Variants in RGS12 observed in about 807,000 individuals in gnomAD.
RGS12 encodes the protein regulator of G protein signaling 12, also known as regulator of G-protein signaling 12.
In RGS12, 66 loss-of-function variants were observed where a neutral mutation model predicts 120.1. The ratio of observed to expected loss-of-function variants is 0.55; its 90% CI spans 0.45 to 0.67. RGS12 has a LOEUF of 0.67. RGS12 is among the 30% of genes least tolerant of loss of function. The probability of loss-of-function intolerance (pLI) is 0.00; values close to 1 mark genes in which losing one functional copy is unlikely to be tolerated. For synonymous variants in RGS12, 827 were observed against 804.7 expected (o/e 1.03, Z -0.47); for missense variants, 1,859 against 1,957.7 (o/e 0.95, Z 0.95).
At chr4:3,308,323 G>A (rs564574981) in intron 1 of RGS12, among the ~76,000 whole-genome samples, 1 of 152,356 alleles carries the variant, frequency 6.6e-6, no homozygotes, top group East Asian at 1.9e-4. Context: ...TCCTCGACGC[G>A]AGGGATTCTG....
chr4:3,436,376 C>A (rs111604443), intron 17 of RGS12, among the ~76,000 whole-genome samples: 1 of 152,190 alleles, frequency 6.6e-6, no homozygotes, highest in African/African-American at 2.4e-5. Flanking sequence ...TTGTGCCCTG[C>A]GAGCTTCCAA....
chr4:3,429,490 G>A (rs1490027782), intron 16 of RGS12, among the ~76,000 whole-genome samples: 8 of 152,154 alleles, frequency 5.3e-5, no homozygotes, highest in Non-Finnish European at 1.0e-4. Context: ...TAAATCACAC[G>A]CCCTCTTTGA....
rs774788698 is a variant in RGS12 at position 3,343,019 on chromosome 4, G to T, written c.1964G>T (p.Arg655Ile). The change falls in exon 3 of 18, where the codon AGA becomes ATA. Residue 655 changes from arginine (R) to isoleucine (I), a missense_variant. Physicochemically the swap from Arg to Ile is moderately conservative, Grantham distance 97. Transcript: ENST00000336727. ...CGGAGATCATTTGGGAGATCCAAGA[G>T]ATTCAGTATCACTCGCTCCCTTGAT... ...SARRSFGRSK[R>I]FSITRSLDDL... The T allele has an allele frequency of 1.2e-6, 2 of 1,613,052 alleles. No individual in the cohort carries two copies. Among genetic ancestry groups the T allele is most frequent in the African/African-American group, 2.7e-5 (2 of 74,908 alleles).
intron 1 of RGS12, among the ~76,000 whole-genome samples, chr4:3,294,034 C>G (rs1310573214): frequency 4.0e-5 from 1 of 25,074 alleles, no homozygotes; most frequent in African/African-American, 7.5e-4. Context: ...GAGAGGACCA[C>G]CTGGCCTCTC....
chr4:3,322,514 G>T (rs1389311530), intron 2 of RGS12, among the ~76,000 whole-genome samples: 2 of 152,174 alleles, frequency 1.3e-5, no homozygotes, highest in African/African-American at 4.8e-5. Context: ...CATCAAAAAT[G>T]ATTGCCTTGT....
intron 3 of RGS12, among the ~76,000 whole-genome samples, chr4:3,383,813 A>C (rs11730455): frequency 0.25 from 38,255 of 152,014 alleles, 5,704 homozygotes; most frequent in South Asian, 0.44. Context: ...CCATGCCCAT[A>C]TTCTTTGGCC....
At chr4:3,310,577 G>A (rs1251497249) in intron 1 of RGS12, among the ~76,000 whole-genome samples, 1 of 152,164 alleles carries the variant, frequency 6.6e-6, no homozygotes, top group African/African-American at 2.4e-5. Flanking sequence ...CAGGGACTTG[G>A]AGGGCCTCTC....
chr4:3,422,884 T>A, intron 11 of RGS12, 21 bp from the exon 12 acceptor site: 5 of 1,610,500 alleles, frequency 3.1e-6, no homozygotes, highest in Non-Finnish European at 4.2e-6. Context: ...CCACGTTGAT[T>A]CTGGTCTCTC....
intron 3 of RGS12, among the ~76,000 whole-genome samples, chr4:3,348,012 A>G (rs1713982849): frequency 1.3e-5 from 2 of 152,234 alleles, no homozygotes; most frequent in Admixed American, 1.3e-4. Context: ...AAGCCTAATC[A>G]TTTACCAGAC....
Position 3,428,336 on chromosome 4 carries a change from A to G in RGS12, c.3411+167A>G, listed in dbSNP as rs1166858684. 3 of 807,302 alleles carry G rather than the reference A, an allele frequency of 3.7e-6. No individual in the cohort carries two copies. In the Admixed American group the frequency reaches 6.1e-5, roughly 17 times the overall value. The allele number at this position is 807,302 out of a possible 1,614,324, so 50.0% of individuals were successfully genotyped here. On this transcript the variant is annotated intron_variant, in intron 15 of 17. Coordinates refer to ENST00000336727, the MANE Select transcript of RGS12 (RefSeq NM_001394154.1). ...CCCTGCCGATGCCCAGCTCCCTCTT[A>G]CCTGTGAAGGACTGGCTTTCTTTTC...
chr4:3,427,986 G>T, intron 14 of RGS12, 104 bp from the exon 15 acceptor site: 2 of 1,101,928 alleles, frequency 1.8e-6, no homozygotes, highest in Non-Finnish European at 2.8e-6. Flanking sequence ...ATGCCTTGTG[G>T]CTTCTCTACA....
At chr4:3,288,751 G>A (rs1054358724), upstream of RGS12, among the ~76,000 whole-genome samples, 2 of 152,174 alleles carry the variant, frequency 1.3e-5, no homozygotes, top group African/African-American at 2.4e-5. The surrounding 1 kb of genome is among the most constrained non-coding windows in gnomAD (Gnocchi z 5.2). Context: ...TCCGGTCCCC[G>A]TGAAGGGACT....
chr4:3,420,738 C>T lies in RGS12; in HGVS notation c.2838+20C>T, dbSNP rs771737102. ...GACCTGGTGAGTCACTGTCTCCCCTCGTCCCACAGGCCTCAGGGGTGTCCC... is the reference window on the plus strand; with the variant it reads ...GACCTGGTGAGTCACTGTCTCCCCTTGTCCCACAGGCCTCAGGGGTGTCCC... On this transcript the variant is annotated intron_variant, in intron 10 of 17. Coordinates refer to ENST00000336727, the MANE Select transcript of RGS12 (RefSeq NM_001394154.1). 11 of 1,601,752 alleles carry T rather than the reference C, an allele frequency of 6.9e-6. No homozygotes were observed. The highest frequency in any genetic ancestry group is 6.7e-5 in the East Asian group (3 of 44,814).
rs200590389 is a variant in RGS12, at chr4:3,369,648, A to G, written c.1999-16768A>G. 7.2e-5 allele frequency among the ~76,000 whole-genome samples: 11 copies of G among 152,314 alleles called. No homozygotes were observed. In the East Asian group the frequency reaches 2.1e-3, roughly 29 times the overall value. On this transcript the variant is annotated intron_variant, in intron 3 of 17. Transcript: ENST00000336727. ...GCAGTTTACCCCTAAATCTCTAGAA[A>G]ATTAACAGATGATTTTGCAGTGATC...
chr4:3,302,218 T>G (rs753626596), intron 1 of RGS12, among the ~76,000 whole-genome samples: 6 of 152,318 alleles, frequency 3.9e-5, no homozygotes, highest in Non-Finnish European at 7.3e-5. Context: ...GGGGGTATCC[T>G]GGAGGGCTGT....
At chr4:3,427,885 C>T (rs559111749) in intron 14 of RGS12, among the ~76,000 whole-genome samples, 3 of 152,210 alleles carry the variant, frequency 2.0e-5, no homozygotes, top group Non-Finnish European at 2.9e-5. Flanking sequence ...GTTAGATGTA[C>T]GGAGCCCGGC....
At chr4:3,332,222 C>T (rs1711936996) in intron 2 of RGS12, among the ~76,000 whole-genome samples, 1 of 152,192 alleles carries the variant, frequency 6.6e-6, no homozygotes, top group African/African-American at 2.4e-5. Context: ...AGGTGGCCGC[C>T]ACATCCCTGC....
intron 2 of RGS12, among the ~76,000 whole-genome samples, chr4:3,335,748 C>T (rs974357855): frequency 1.3e-5 from 2 of 152,144 alleles, no homozygotes; most frequent in African/African-American, 4.8e-5. Context: ...GATCGTACCC[C>T]TGCGCTCCAG....
intron 2 of RGS12, among the ~76,000 whole-genome samples, chr4:3,340,135 C>T (rs1424003823): frequency 1.3e-5 from 2 of 152,250 alleles, no homozygotes; most frequent in African/African-American, 2.4e-5. Flanking sequence ...AGTCAGTCCC[C>T]CGTGTTGTGG....
Sources: gnomAD v4.1 joint callset for allele counts (sites outside exome capture counted in the v4.1 genomes callset) on GRCh38, gnomAD v4.1.1 for gene constraint, Gnocchi (gnomAD v3.1) non-coding constraint, MANE v1.5 for transcripts, NCBI Gene and HGNC (gene_info 2026-07-23, HGNC 2026-07-21) for gene names.